Variants in TDRD12 observed in about 807,000 individuals in gnomAD.
The protein encoded by TDRD12 is tudor domain containing 12.
In TDRD12, 158 loss-of-function variants were observed where a neutral mutation model predicts 133.5. The observed-to-expected ratio is 1.18, with a 90% CI of 1.04 to 1.35. TDRD12 has a LOEUF of 1.35. Among genes scored for constraint, TDRD12 ranks in the 40% most tolerant of loss-of-function variants. The pLI is 0.00. For synonymous variants in TDRD12, 460 were observed against 477.9 expected (o/e 0.96, Z 0.49); for missense variants, 1,443 against 1,321.3 (o/e 1.09, Z -1.43).
At chr19:32,757,241 C>A in intron 8 of TDRD12, 111 bp downstream of exon 8, 1 of 891,980 alleles carries the variant, frequency 1.1e-6, no homozygotes, top group Non-Finnish European at 1.7e-6. Flanking sequence ...TTTCTCTTTT[C>A]TTAATTTAAT....
At chr19:32,756,279 C>A in intron 7 of TDRD12, 98 bp downstream of exon 7, 1 of 1,038,078 alleles carries the variant, frequency 9.6e-7, no homozygotes, top group Non-Finnish European at 1.3e-6. Flanking sequence ...CACATGGAGA[C>A]AAAGACTTGG....
chr19:32,723,596 A>G (rs931868502), intron 1 of TDRD12, among the ~76,000 whole-genome samples: 9 of 146,484 alleles, frequency 6.1e-5, no homozygotes, highest in African/African-American at 2.3e-4. Context: ...TTCCAACTAT[A>G]TTCTTTTTCA....
chr19:32,795,193 G>C (rs1971188381), intron 14 of TDRD12, among the ~76,000 whole-genome samples: 1 of 151,964 alleles, frequency 6.6e-6, no homozygotes, highest in African/African-American at 2.4e-5. Flanking sequence ...AAATTAGGTG[G>C]GCATGGTGGC....
intron 27 of TDRD12, among the ~76,000 whole-genome samples, chr19:32,819,858 T>C (rs1399634733): frequency 1.3e-5 from 2 of 152,076 alleles, no homozygotes; most frequent in African/African-American, 2.4e-5. Flanking sequence ...GGAATGCTGG[T>C]GCGGTGGACA....
chr19:32,744,880 C>T (rs1187429780), intron 4 of TDRD12, among the ~76,000 whole-genome samples: 5 of 152,196 alleles, frequency 3.3e-5, no homozygotes, highest in African/African-American at 9.7e-5. Context: ...CCATGTTGCA[C>T]TGTGTACTCT....
intron 6 of TDRD12, among the ~76,000 whole-genome samples, chr19:32,753,576 T>C (rs553592021): frequency 6.6e-6 from 1 of 151,880 alleles, no homozygotes; most frequent in Admixed American, 6.6e-5. Context: ...CGATCTCTGC[T>C]CACTGCAAGC....
At chr19:32,765,243 G>A (rs1480086250) in intron 8 of TDRD12, among the ~76,000 whole-genome samples, 4 of 152,160 alleles carry the variant, frequency 2.6e-5, no homozygotes, top group African/African-American at 9.7e-5. Flanking sequence ...GAAATAACAG[G>A]TGCTGGAGAG....
chr19:32,787,399 G>C (rs1203102450), intron 11 of TDRD12, among the ~76,000 whole-genome samples: 1 of 152,188 alleles, frequency 6.6e-6, no homozygotes, highest in Non-Finnish European at 1.5e-5. Context: ...TGAGGAGGCA[G>C]TCTGTCCATT....
At chr19:32,819,804 A>C (rs1353059446) in intron 27 of TDRD12, among the ~76,000 whole-genome samples, 1 of 152,212 alleles carries the variant, frequency 6.6e-6, no homozygotes, top group East Asian at 1.9e-4. Context: ...CGGTTGGCAG[A>C]TGTTAGGGAA....
At chr19:32,732,252 G>A (rs1217616096) in intron 2 of TDRD12, among the ~76,000 whole-genome samples, 2 of 152,154 alleles carry the variant, frequency 1.3e-5, no homozygotes, top group African/African-American at 4.8e-5. Flanking sequence ...TGATCCACCC[G>A]CCTCAGATTC....
chr19:32,793,499 A>G (rs960956787), intron 13 of TDRD12, among the ~76,000 whole-genome samples: 8 of 152,178 alleles, frequency 5.3e-5, no homozygotes, highest in Non-Finnish European at 1.2e-4. Context: ...GCTAGGGCTC[A>G]GGACTCGAGA....
intron 8 of TDRD12, among the ~76,000 whole-genome samples, chr19:32,760,508 A>G (rs1469135082): frequency 6.6e-6 from 1 of 152,244 alleles, no homozygotes; most frequent in East Asian, 1.9e-4. Flanking sequence ...CAGAAGGGCT[A>G]CAGTGAAAAA....
In TDRD12 at chr19:32,807,506, A is replaced by G. The variant is rs778538486; in HGVS notation, c.2553-43A>G. The stretch of plus-strand genomic sequence containing the variant: ...AGAAAGCGTTAAAATTCACATTAAC[A>G]ATTATTACTTACTTATGATAAGTCT... On this transcript the variant is annotated intron_variant, in intron 21 of 27. Coordinates refer to ENST00000444215, the Ensembl canonical transcript of TDRD12. The G allele has an allele frequency of 3.0e-6, 4 of 1,341,826 alleles. No individual in the cohort carries two copies. In the South Asian group the frequency reaches 5.7e-5, roughly 19 times the overall value. The allele number at this position is 1,341,826 out of a possible 1,614,324, so 83.1% of individuals were successfully genotyped here.
At chr19:32,744,737 T>C (rs1364756873) in intron 4 of TDRD12, among the ~76,000 whole-genome samples, 2 of 152,062 alleles carry the variant, frequency 1.3e-5, no homozygotes, top group Non-Finnish European at 2.9e-5. Flanking sequence ...GCCTGACTTC[T>C]GCCTCCTGTG....
At chr19:32,802,184 GAT>G (rs1454380815) in intron 19 of TDRD12, among the ~76,000 whole-genome samples, 18 of 142,258 alleles carry the variant, frequency 1.3e-4, no homozygotes, top group African/African-American at 4.4e-4. Context: ...TCATATATAT[GAT>G]AGTGATATAT....
At chr19:32,823,469 A>G (rs1204503289), downstream of TDRD12, among the ~76,000 whole-genome samples, 1 of 152,022 alleles carries the variant, frequency 6.6e-6, no homozygotes, top group Non-Finnish European at 1.5e-5. Flanking sequence ...CGTGGTCCAA[A>G]CCCAGGTTCT....
chr19:32,770,302 T>C (rs1643895862), intron 8 of TDRD12, among the ~76,000 whole-genome samples: 1 of 152,146 alleles, frequency 6.6e-6, no homozygotes, highest in African/African-American at 2.4e-5. Context: ...CCACCACTCC[T>C]GGCCTCTTTT....
At chr19:32,790,705 G>A (rs1391955756) in intron 12 of TDRD12, 114 bp downstream of exon 12, 1 of 1,550,698 alleles carries the variant, frequency 6.4e-7, no homozygotes, top group Non-Finnish European at 8.7e-7. Flanking sequence ...TCCTTAGATG[G>A]GGGACTTAAC....
In TDRD12 at chr19:32,819,343, A is replaced by G. The variant is rs1967299217; in HGVS notation, c.3383+1186A>G. Reference sequence around the variant, plus strand: ...AAAAAAAAAAATGACAAAGATAAACATAGTATGATCTAAAGTTTTTTAGTT... The same window carrying G: ...AAAAAAAAAAATGACAAAGATAAACGTAGTATGATCTAAAGTTTTTTAGTT... On this transcript the variant is annotated intron_variant, in intron 27 of 27. Transcript: ENST00000444215. Among the ~76,000 whole-genome samples the G allele has an allele frequency of 1.3e-5, 2 of 152,030 alleles. 1 individual carries two copies. Among genetic ancestry groups the G allele is most frequent in the South Asian group, 4.2e-4 (2 of 4,816 alleles).
Sources: gnomAD v4.1 joint callset for allele counts (sites outside exome capture counted in the v4.1 genomes callset) on GRCh38, gnomAD v4.1.1 for gene constraint, MANE v1.5 for transcripts, NCBI Gene and HGNC (gene_info 2026-07-23, HGNC 2026-07-21) for gene names.